Variants in CSMD3 observed in about 807,000 individuals in gnomAD.
The protein encoded by CSMD3 is CUB and Sushi multiple domains 3.
CSMD3 carries 177 observed loss-of-function variants against 435.2 expected under a neutral mutation model. That is an observed-to-expected ratio of 0.41 (90% CI 0.36 to 0.46). The LOEUF is 0.46. CSMD3 is among the 20% of genes least tolerant of loss of function. The probability of loss-of-function intolerance (pLI) is 0.34; values close to 1 mark genes in which losing one functional copy is unlikely to be tolerated. For synonymous variants in CSMD3, 1,656 were observed against 1,520.5 expected, an observed-to-expected ratio of 1.09 and a Z score of -2.07; for missense variants, 4,265 against 4,504.6, an observed-to-expected ratio of 0.95 and a Z score of 1.52.
chr8:113,389,263 G>A (rs992475474), intron 1 of CSMD3, among the ~76,000 whole-genome samples: 1 of 151,512 alleles, frequency 6.6e-6, no homozygotes, highest in East Asian at 1.9e-4. Context: ...TTTCTCATAA[G>A]GAAATTTATC....
intron 22 of CSMD3, among the ~76,000 whole-genome samples, chr8:112,592,935 A>G (rs991096268): frequency 6.6e-6 from 1 of 152,148 alleles, no homozygotes; most frequent in African/African-American, 2.4e-5. Context: ...ATAGGCTGAG[A>G]TGGCACAAAT....
Position 112,666,415 on chromosome 8 carries a change from G to A in CSMD3, c.2678C>T (p.Ala893Val), listed in dbSNP as rs2131708326. The change falls in exon 17 of 71, where the codon GCC becomes GTC. Residue 893 changes from alanine to valine, a missense_variant and splice_region_variant. Around this residue, in one of 3 missense-constraint regions of CSMD3, gnomAD observed 279 missense variants for 369.0 expected, o/e 0.76. Transcript: ENST00000297405. ...MWSGLIPKCG[A>V]PCGGHFSAPS... ...AGCTGAAAAATGGCCACCACATGGG[G>A]CTGAAAAATTAAATCAGACAAGTAA... 6.2e-7 allele frequency: 1 copy of A among 1,611,492 alleles called. No individual in the cohort carries two copies. The highest frequency in any genetic ancestry group is 2.2e-5 in the East Asian group (1 of 44,770).
intron 10 of CSMD3, among the ~76,000 whole-genome samples, chr8:112,878,828 GA>G (rs1288954645): frequency 6.6e-6 from 1 of 152,094 alleles, no homozygotes; most frequent in Non-Finnish European, 1.5e-5. Flanking sequence ...CAGAAGAACA[GA>G]AATTGTGAAG....
At chr8:112,349,789 T>G (rs988688187) in intron 40 of CSMD3, among the ~76,000 whole-genome samples, 3 of 152,164 alleles carry the variant, frequency 2.0e-5, no homozygotes, top group African/African-American at 7.2e-5. Flanking sequence ...CTTTGCCAAT[T>G]AAACACATCA....
intron 22 of CSMD3, among the ~76,000 whole-genome samples, chr8:112,589,929 T>G (rs1428236529): frequency 2.0e-5 from 3 of 152,116 alleles, no homozygotes; most frequent in Non-Finnish European, 4.4e-5. Context: ...CAGAAGATTA[T>G]GTCAATGTTA....
chr8:112,770,230 C>T (rs1449116356), intron 13 of CSMD3, among the ~76,000 whole-genome samples: 1 of 151,872 alleles, frequency 6.6e-6, no homozygotes, highest in African/African-American at 2.4e-5. Flanking sequence ...AATTTAATTG[C>T]CAATGTAATG....
intron 1 of CSMD3, among the ~76,000 whole-genome samples, chr8:113,336,596 G>T (rs907754403): frequency 6.6e-6 from 1 of 152,084 alleles, no homozygotes; most frequent in Non-Finnish European, 1.5e-5. Flanking sequence ...CAGTGGAATG[G>T]GAAGGGGAGG....
intron 31 of CSMD3, among the ~76,000 whole-genome samples, chr8:112,488,146 C>T (rs532425005): frequency 1.3e-5 from 2 of 152,242 alleles, no homozygotes; most frequent in East Asian, 1.9e-4. Flanking sequence ...TATAATCTCC[C>T]AGTGTCCAAC....
Position 112,244,550 on chromosome 8 carries a change from T to C in CSMD3, c.10246A>G (p.Thr3416Ala), listed in dbSNP as rs2130114714. The change falls in exon 65 of 71, where the codon ACT becomes GCT. Residue 3416 changes from threonine to alanine, a missense_variant. By Grantham distance (58) the Thr-to-Ala change is moderately conservative. This residue lies in a region of CSMD3 where 3,255 missense variants were observed against 3,380.2 expected (regional missense o/e 0.96). Coordinates refer to ENST00000297405, the MANE Select transcript of CSMD3 (RefSeq NM_198123.2). ...CCTACGACATTTGCATGAGCAGGAG[T>C]TTCTGGCTGTTTACAGCTGTGGGCT... is the stretch of plus-strand genomic sequence containing the variant. Reference protein sequence around the residue: ...CIPHSCKQPETPAHANVVGMD... With the variant: ...CIPHSCKQPEAPAHANVVGMD... 1 of 1,613,678 alleles carries C rather than the reference T, an allele frequency of 6.2e-7. No individual in the cohort carries two copies. The highest frequency in any genetic ancestry group is 1.7e-5 in the Admixed American group (1 of 59,968).
chr8:112,528,422 A>G (rs1825199908), intron 27 of CSMD3, among the ~76,000 whole-genome samples: 1 of 152,174 alleles, frequency 6.6e-6, no homozygotes, highest in African/African-American at 2.4e-5. Context: ...TTCTCAATCA[A>G]AATATCCCAT....
chr8:112,715,006 T>C, intron 13 of CSMD3, among the ~76,000 whole-genome samples: 1 of 151,754 alleles, frequency 6.6e-6, no homozygotes, highest in Non-Finnish European at 1.5e-5. Context: ...AATATCACAA[T>C]TAAAAGAACT....
chr8:112,813,872 A>G (rs1023578852), intron 12 of CSMD3, among the ~76,000 whole-genome samples: 2 of 152,154 alleles, frequency 1.3e-5, no homozygotes, highest in African/African-American at 4.8e-5. Context: ...CACCTGACCA[A>G]CTGAATCCCA....
chr8:113,108,913 G>A (rs1230696405), intron 4 of CSMD3, among the ~76,000 whole-genome samples: 7 of 152,162 alleles, frequency 4.6e-5, no homozygotes, highest in Admixed American at 3.3e-4. Context: ...ACTGGCAAAT[G>A]TGCATGTGTA....
intron 32 of CSMD3, among the ~76,000 whole-genome samples, chr8:112,449,883 T>C (rs900607100): frequency 1.3e-5 from 2 of 152,096 alleles, no homozygotes; most frequent in African/African-American, 4.8e-5. Context: ...CCACCACGCC[T>C]GGCTAATTTT....
intron 10 of CSMD3, among the ~76,000 whole-genome samples, chr8:112,896,300 T>G (rs902940198): frequency 2.0e-5 from 3 of 151,380 alleles, no homozygotes; most frequent in Non-Finnish European, 4.4e-5. Flanking sequence ...AAGAGAAACT[T>G]GAGACGATTC....
intron 1 of CSMD3, among the ~76,000 whole-genome samples, chr8:113,328,555 T>C (rs1033283041): frequency 6.6e-6 from 1 of 151,620 alleles, no homozygotes; most frequent in Non-Finnish European, 1.5e-5. Flanking sequence ...CTAGAAAGAA[T>C]ACAGACTTTA....
At chr8:113,063,116 T>C (rs1399339272) in intron 5 of CSMD3, among the ~76,000 whole-genome samples, 2 of 151,566 alleles carry the variant, frequency 1.3e-5, no homozygotes, top group Non-Finnish European at 3.0e-5. Flanking sequence ...ACAAATATTT[T>C]ACATTTGAAG....
At chr8:112,570,367 T>C (rs11987512) in intron 24 of CSMD3, among the ~76,000 whole-genome samples, 121 of 152,314 alleles carry the variant, frequency 7.9e-4, no homozygotes, top group African/African-American at 2.8e-3. Flanking sequence ...CACAATGCAA[T>C]GTGATAACGG....
intron 1 of CSMD3, among the ~76,000 whole-genome samples, chr8:113,360,762 A>G (rs1713869918): frequency 6.6e-6 from 1 of 151,456 alleles, no homozygotes; most frequent in African/African-American, 2.4e-5. Context: ...TTTAGTAGAG[A>G]CGGGGTTTCA....
Sources: allele counts gnomAD v4.1 joint callset (sites outside exome capture counted in the v4.1 genomes callset), GRCh38; gene constraint gnomAD v4.1.1; regional missense constraint gnomAD v4.1.1; transcripts MANE v1.5; gene names NCBI Gene and HGNC (gene_info 2026-07-23, HGNC 2026-07-21).